SLIT2: variants seen among roughly 807,000 people sequenced by gnomAD.
SLIT2 encodes slit homolog 2 protein.
SLIT2 carries 41 observed loss-of-function variants against 185.7 expected under a neutral mutation model. The observed-to-expected ratio is 0.22, with a 90% CI of 0.17 to 0.29. SLIT2 has a LOEUF of 0.29. Among genes scored for constraint, SLIT2 ranks in the 10% least tolerant of loss-of-function variants. The pLI is 1.00. For missense variants in SLIT2, 1,571 were observed against 1,909.0 expected (o/e 0.82, Z 3.30); for synonymous variants, 693 against 680.2 (o/e 1.02, Z -0.29).
Position 20,472,317 on chromosome 4 carries a change from T to TCTATAG in SLIT2, c.467+4494_467+4495insCTATAG, listed in dbSNP as rs1553908355. ...ATAGATATATAGATCTATATATAGA[T>TCTATAG]ATATATATCTATATATAGATCTATA... On this transcript the variant is annotated intron_variant, in intron 5 of 36. Transcript: ENST00000504154. Among the ~76,000 whole-genome samples, 45 of 32,044 alleles carry TCTATAG rather than the reference T, an allele frequency of 1.4e-3. 5 individuals carry two copies. Among genetic ancestry groups the TCTATAG allele is most frequent in the Admixed American group, 4.9e-3 (7 of 1,424 alleles). The allele number at this position is 32,044 out of a possible 152,430, so 21.0% of individuals were successfully genotyped here.
intron 9 of SLIT2, among the ~76,000 whole-genome samples, chr4:20,495,635 C>T (rs1718167540): frequency 6.6e-6 from 1 of 151,918 alleles, no homozygotes; most frequent in African/African-American, 2.4e-5. Context: ...GTGGACTTTG[C>T]CTAAATTGAG....
intron 4 of SLIT2, among the ~76,000 whole-genome samples, chr4:20,403,233 C>T (rs566442801): frequency 6.6e-6 from 1 of 151,938 alleles, no homozygotes; most frequent in African/African-American, 2.4e-5. Flanking sequence ...TAGATTGTAA[C>T]TATATTAATC....
chr4:20,484,400 A>G lies in SLIT2; in HGVS notation c.540-1800A>G, dbSNP rs773596537. ...AGGAAAATGCTAAAAGCTCTTAGGT[A>G]AACTGAGCCAACAAATCCAGTGCTC... is the stretch of plus-strand genomic sequence containing the variant. On this transcript the variant is annotated intron_variant, in intron 6 of 36. Transcript: ENST00000504154. The surrounding 1 kb of genome is among the most constrained non-coding windows in gnomAD (Gnocchi z 4.3). 6.6e-6 allele frequency among the ~76,000 whole-genome samples: 1 copy of G among 152,170 alleles called. No homozygotes were observed. The highest frequency in any genetic ancestry group is 2.4e-5 in the African/African-American group (1 of 41,458).
At chr4:20,533,740 GTTC>G (rs768767871) in intron 18 of SLIT2, 25 bp downstream of exon 18, 1 of 1,594,284 alleles carries the variant, frequency 6.3e-7, no homozygotes, top group South Asian at 1.1e-5. Context: ...TTGCATTGCA[GTTC>G]TTCTACCAAA....
At chr4:20,386,387 G>C (rs1724938777) in intron 4 of SLIT2, among the ~76,000 whole-genome samples, 2 of 152,084 alleles carry the variant, frequency 1.3e-5, no homozygotes, top group African/African-American at 4.8e-5. Context: ...TTTAATAACG[G>C]GTTGTGTTTG....
At chr4:20,534,409 A>G (rs1016978311) in intron 18 of SLIT2, among the ~76,000 whole-genome samples, 2 of 152,158 alleles carry the variant, frequency 1.3e-5, no homozygotes, top group African/African-American at 4.8e-5. Flanking sequence ...GTTGTTGTCC[A>G]AGAAATATGG....
chr4:20,254,967 C>T lies in SLIT2; in HGVS notation c.179+973C>T, dbSNP rs1468795541. 1 of 456,324 alleles carries T rather than the reference C, an allele frequency of 2.2e-6. No individual in the cohort carries two copies. 28.3% of individuals were successfully genotyped at this position (456,324 alleles called of 1,614,324 possible). On this transcript the variant is annotated intron_variant, in intron 1 of 36. Coordinates refer to ENST00000504154, the MANE Select transcript of SLIT2 (RefSeq NM_004787.4). This position sits in a 1 kb window ranked among gnomAD's most constrained non-coding sequence, Gnocchi z 5.1. ...GTAAATGCAGACCCGGTGTTGACGGCCCACGCGCTCCTGATGAGGCGCTTC... is the reference window on the plus strand; with the variant it reads ...GTAAATGCAGACCCGGTGTTGACGGTCCACGCGCTCCTGATGAGGCGCTTC...
At chr4:20,445,604 C>T (rs978078489) in intron 4 of SLIT2, among the ~76,000 whole-genome samples, 3 of 152,130 alleles carry the variant, frequency 2.0e-5, no homozygotes, top group Non-Finnish European at 4.4e-5. Flanking sequence ...TATTAGGGCT[C>T]CCTACTTTAG....
intron 6 of SLIT2, among the ~76,000 whole-genome samples, chr4:20,482,840 TTTC>T (rs1237852951): frequency 6.6e-6 from 1 of 151,924 alleles, no homozygotes; most frequent in Non-Finnish European, 1.5e-5. Flanking sequence ...AATGTTTTTT[TTTC>T]AATCCTCATA....
intron 4 of SLIT2, among the ~76,000 whole-genome samples, chr4:20,411,235 C>T (rs915418227): frequency 2.0e-5 from 3 of 152,136 alleles, no homozygotes; most frequent in Non-Finnish European, 4.4e-5. Flanking sequence ...CACAGCTTGT[C>T]GAGGCACCAC....
chr4:20,555,011 A>G (rs603679), intron 26 of SLIT2, among the ~76,000 whole-genome samples: 112,229 of 151,836 alleles, frequency 0.74, 42,630 homozygotes, highest in East Asian at 0.97. Context: ...CTCATGATCC[A>G]CACCCCCTTG....
At chr4:20,576,546 G>A (rs973433697) in intron 29 of SLIT2, among the ~76,000 whole-genome samples, 1 of 152,002 alleles carries the variant, frequency 6.6e-6, no homozygotes, top group African/African-American at 2.4e-5. Flanking sequence ...ATTCTGCTTC[G>A]AGATGTGTAA....
intron 4 of SLIT2, among the ~76,000 whole-genome samples, chr4:20,445,327 T>C (rs1394331057): frequency 6.6e-6 from 1 of 152,242 alleles, no homozygotes; most frequent in South Asian, 2.1e-4. Flanking sequence ...ATTCATTATT[T>C]TATGAATTTG....
intron 30 of SLIT2, among the ~76,000 whole-genome samples, chr4:20,592,979 G>T (rs765781938): frequency 6.6e-6 from 1 of 151,982 alleles, no homozygotes; most frequent in African/African-American, 2.4e-5. Flanking sequence ...TAATTCTTCC[G>T]CTCTCCAGCA....
chr4:20,556,091 A>G (rs1223802659), intron 26 of SLIT2, among the ~76,000 whole-genome samples: 1 of 152,062 alleles, frequency 6.6e-6, no homozygotes, highest in Non-Finnish European at 1.5e-5. Flanking sequence ...GTTGAAAGTG[A>G]AATTTTATTG....
At chr4:20,618,693 T>G in intron 36 of SLIT2, 75 bp from the exon 37 acceptor site, 1 of 1,433,986 alleles carries the variant, frequency 7.0e-7, no homozygotes, top group Non-Finnish European at 9.4e-7. Context: ...CTGAATTAAG[T>G]TGTGGATTCA....
At chr4:20,336,784 C>T (rs1720542961) in intron 4 of SLIT2, among the ~76,000 whole-genome samples, 1 of 152,216 alleles carries the variant, frequency 6.6e-6, no homozygotes, top group South Asian at 2.1e-4. Flanking sequence ...GTGTGAGGGG[C>T]TGCCTGCAGC....
intron 29 of SLIT2, 36 bp downstream of exon 29, chr4:20,569,040 T>C (rs1349102121): frequency 1.3e-6 from 2 of 1,577,580 alleles, no homozygotes; most frequent in African/African-American, 1.3e-5. Flanking sequence ...CTTCCATCAG[T>C]ATATCTGTTT....
rs140266342 is a variant in SLIT2 at position 20,384,038 on chromosome 4, A to G, written c.396-83714A>G. Among the ~76,000 whole-genome samples the G allele has an allele frequency of 7.8e-3, 1,182 of 152,136 alleles. 5 individuals carry two copies. The highest frequency in any genetic ancestry group is 0.027 in the African/African-American group (1,103 of 41,520). On this transcript the variant is annotated intron_variant, in intron 4 of 36. Coordinates refer to ENST00000504154, the MANE Select transcript of SLIT2 (RefSeq NM_004787.4). The stretch of plus-strand genomic sequence containing the variant: ...CTATTCTTAAGTGTTTTTCCAACAG[A>G]AAAGAAATTTTTATTCACACCAAGG...
Sources: allele counts gnomAD v4.1 joint callset (sites outside exome capture counted in the v4.1 genomes callset), GRCh38; gene constraint gnomAD v4.1.1; non-coding constraint Gnocchi (gnomAD v3.1); transcripts MANE v1.5; gene names NCBI Gene and HGNC (gene_info 2026-07-23, HGNC 2026-07-21).